The following TJP2 variants were observed in gnomAD, a reference collection of about 807,000 sequenced individuals.
TJP2 encodes the protein tight junction protein 2, also known as Friedreich ataxia region gene X104 (tight junction protein ZO-2).
Under a neutral mutation model 133.1 loss-of-function variants are expected in TJP2, and 91 were observed. The observed-to-expected ratio is 0.68, with a 90% CI of 0.58 to 0.81. TJP2 has a LOEUF of 0.81. Ranked by LOEUF, TJP2 falls within the 40% of genes least tolerant of loss-of-function variation. The pLI, the probability that TJP2 is intolerant of heterozygous loss-of-function variation, is 0.00. For synonymous variants in TJP2, 592 were observed against 583.4 expected, an observed-to-expected ratio of 1.01 and a Z score of -0.21; for missense variants, 1,541 against 1,565.6, an observed-to-expected ratio of 0.98 and a Z score of 0.26.
chr9:69,230,286 C>G (rs1300065977), intron 11 of TJP2, 54 bp downstream of exon 11: 2 of 1,609,816 alleles, frequency 1.2e-6, no homozygotes, highest in African/African-American at 1.3e-5. Flanking sequence ...GTGCACTTTT[C>G]TGGGTGTTCT....
chr9:69,141,939 C>G (rs1030468516), intron 1 of TJP2, among the ~76,000 whole-genome samples: 1 of 152,132 alleles, frequency 6.6e-6, no homozygotes, highest in African/African-American at 2.4e-5. Flanking sequence ...TCTAGCTGTA[C>G]GAATGATGGA....
chr9:69,137,229 C>G (rs1822775557), intron 1 of TJP2, among the ~76,000 whole-genome samples: 1 of 54,348 alleles, frequency 1.8e-5, no homozygotes, highest in South Asian at 6.3e-4. Context: ...TTCTTTCCTT[C>G]TTTCTTTCTT....
intron 2 of TJP2, among the ~76,000 whole-genome samples, chr9:69,163,026 T>A (rs201963326): frequency 0.029 from 353 of 12,242 alleles, 108 homozygotes; most frequent in Middle Eastern, 0.083. Flanking sequence ...CTTTATTTTA[T>A]TTTATTTTTT....
chr9:69,252,639 G>A (rs957349461), intron 21 of TJP2, among the ~76,000 whole-genome samples, 176 bp from the exon 22 acceptor site: 12 of 152,086 alleles, frequency 7.9e-5, no homozygotes, highest in African/African-American at 2.9e-4. Context: ...CCTGTCTGAC[G>A]TGTACCGCAC....
At chr9:69,230,849 A>G (rs1485267909) in intron 11 of TJP2, among the ~76,000 whole-genome samples, 1 of 152,166 alleles carries the variant, frequency 6.6e-6, no homozygotes, top group Non-Finnish European at 1.5e-5. Flanking sequence ...CTTTTTTCTT[A>G]TTGGAAGATA....
intron 1 of TJP2, among the ~76,000 whole-genome samples, chr9:69,137,276 TTTC>T (rs1564372543): frequency 5.3e-4 from 59 of 110,722 alleles, no homozygotes; most frequent in African/African-American, 1.8e-3. Context: ...TTTCTTTTTC[TTTC>T]TTTCTTTCTT....
chr9:69,225,279 G>C (rs1180155341), intron 5 of TJP2, 25 bp from the exon 6 acceptor site: 1 of 1,445,378 alleles, frequency 6.9e-7, no homozygotes, highest in Non-Finnish European at 9.7e-7. Context: ...TAACATACGT[G>C]TATGTTTATG....
intron 1 of TJP2, chr9:69,204,732 C>A: frequency 2.7e-6 from 2 of 745,658 alleles, no homozygotes; most frequent in Non-Finnish European, 3.3e-6. Context: ...TTATTTCTAG[C>A]TGGCGTGTGT....
chr9:69,247,953 G>A (rs1373989973), intron 18 of TJP2, 59 bp from the exon 19 acceptor site: 2 of 1,481,254 alleles, frequency 1.4e-6, no homozygotes, highest in East Asian at 4.6e-5. Context: ...ATTTTCTTGA[G>A]TCCCCACTCC....
At chr9:69,208,415 GTC>G (rs1327078532) in intron 1 of TJP2, among the ~76,000 whole-genome samples, 2 of 152,090 alleles carry the variant, frequency 1.3e-5, no homozygotes, top group Admixed American at 6.5e-5. Flanking sequence ...GAGATTAATC[GTC>G]TCTCTGACAA....
chr9:69,153,269 T>C (rs550632635), intron 2 of TJP2, among the ~76,000 whole-genome samples: 50 of 152,078 alleles, frequency 3.3e-4, no homozygotes, highest in East Asian at 1.9e-4. Flanking sequence ...AGAAGACAGA[T>C]ACCTGCTCAG....
rs762944422 is a variant in TJP2 at position 69,251,186 on chromosome 9, C to G, written c.3143C>G (p.Ser1048Cys). The change falls in exon 21 of 23, where the codon TCT becomes TGT. Residue 1048 changes from serine to cysteine, a missense_variant. By Grantham distance (112) the Ser-to-Cys change is moderately radical. Coordinates refer to ENST00000377245, the MANE Select transcript of TJP2 (RefSeq NM_004817.4). ...GCAGCAAAACCTACCTTTGGGCGGT[C>G]TATACTGAAGCCCTCCACTCCCATC... ...PVAAKPTFGR[S>C]ILKPSTPIPP... 1 of 1,614,180 alleles carries G rather than the reference C, an allele frequency of 6.2e-7. No individual in the cohort carries two copies. Among genetic ancestry groups the G allele is most frequent in the Admixed American group, 1.7e-5 (1 of 60,022 alleles).
chr9:69,142,966 A>G (rs1823072806), intron 1 of TJP2, among the ~76,000 whole-genome samples: 1 of 152,226 alleles, frequency 6.6e-6, no homozygotes, highest in Non-Finnish European at 1.5e-5. Flanking sequence ...TCATATCTGG[A>G]AGGGGTATTT....
intron 11 of TJP2, among the ~76,000 whole-genome samples, chr9:69,233,223 T>G (rs1829920819): frequency 6.6e-6 from 1 of 152,260 alleles, no homozygotes; most frequent in African/African-American, 2.4e-5. Flanking sequence ...CAAATTAGTT[T>G]TAGTCTAATG....
intron 1 of TJP2, chr9:69,205,216 A>G: frequency 6.5e-7 from 1 of 1,537,234 alleles, no homozygotes; most frequent in Non-Finnish European, 8.7e-7. Flanking sequence ...TAAAAAGTTG[A>G]GGAGATGGAA....
intron 1 of TJP2, among the ~76,000 whole-genome samples, chr9:69,207,319 C>T (rs1352637792): frequency 3.3e-5 from 5 of 152,108 alleles, no homozygotes; most frequent in African/African-American, 1.2e-4. Flanking sequence ...TCTACAAATC[C>T]TTCTGGGGTG....
rs148628869 is a variant in TJP2, at chr9:69,157,978, A to G, written c.-10+6207A>G. Among the ~76,000 whole-genome samples, 662 of 152,216 alleles carry G rather than the reference A, an allele frequency of 4.3e-3. 3 individuals are homozygous for G. The highest frequency in any genetic ancestry group is 7.4e-3 in the Non-Finnish European group (500 of 68,012). On this transcript the variant is annotated intron_variant, in intron 2 of 5. Transcript: ENST00000423935. ...AATTTAATTATACTCCTGCATGTTT[A>G]AAAGAATTCAGAACCTAAGAATTAA...
At chr9:69,208,961 T>G (rs1827644160) in intron 1 of TJP2, among the ~76,000 whole-genome samples, 1 of 152,150 alleles carries the variant, frequency 6.6e-6, no homozygotes, top group African/African-American at 2.4e-5. Context: ...ATTGAGAAGA[T>G]GAGCTTGGAG....
intron 4 of TJP2, among the ~76,000 whole-genome samples, chr9:69,218,970 A>G (rs59242330): frequency 0.013 from 780 of 59,778 alleles, 7 homozygotes; most frequent in African/African-American, 0.036. Context: ...GTGTGTGTGT[A>G]TTTTTTTTTT....
Sources: gnomAD v4.1 joint callset for allele counts (sites outside exome capture counted in the v4.1 genomes callset) on GRCh38, gnomAD v4.1.1 for gene constraint, MANE v1.5 for transcripts, NCBI Gene and HGNC (gene_info 2026-07-23, HGNC 2026-07-21) for gene names.